The following FBXO6 variants were observed in gnomAD, a reference collection of about 807,000 sequenced individuals.
FBXO6 encodes the protein F-box only protein 6.
In FBXO6, 13 loss-of-function variants were observed where a neutral mutation model predicts 25.0. The ratio of observed to expected loss-of-function variants is 0.52; its 90% CI spans 0.34 to 0.83. The LOEUF is 0.83. Ranked by LOEUF, FBXO6 falls within the 40% of genes least tolerant of loss-of-function variation. The probability of loss-of-function intolerance (pLI) is 0.02; values close to 1 mark genes in which losing one functional copy is unlikely to be tolerated. For missense variants in FBXO6, 370 were observed against 380.2 expected (o/e 0.97, Z 0.22); for synonymous variants, 138 against 155.3 (o/e 0.89, Z 0.83).
intron 1 of FBXO6, among the ~76,000 whole-genome samples, chr1:11,665,072 T>G (rs1182227980): frequency 6.6e-6 from 1 of 151,898 alleles, no homozygotes; most frequent in Non-Finnish European, 1.5e-5. Context: ...TATGGCAGAG[T>G]CTTGCTCTGT....
intron 2 of FBXO6, among the ~76,000 whole-genome samples, chr1:11,670,970 T>TA (rs1171129926): frequency 6.6e-6 from 1 of 152,056 alleles, no homozygotes; most frequent in Non-Finnish European, 1.5e-5. Context: ...TCAGAGCTGA[T>TA]ATGGTGAGGA....
intron 1 of FBXO6, among the ~76,000 whole-genome samples, chr1:11,667,151 G>T (rs9430590): frequency 0.039 from 5,826 of 151,104 alleles, 361 homozygotes; most frequent in African/African-American, 0.13. Flanking sequence ...GTCTCGGGGT[G>T]GGGGGGAAGA....
chr1:11,669,587 C>CAT (rs1337918667), intron 2 of FBXO6, among the ~76,000 whole-genome samples: 7 of 146,372 alleles, frequency 4.8e-5, no homozygotes, highest in Non-Finnish European at 1.5e-5. Context: ...GACACCTTCA[C>CAT]ATATACACAC....
At position 11,673,653 on chromosome 1, in the gene FBXO6, C is replaced by T. The variant is rs141938743; in HGVS notation, c.684C>T (p.Arg228=). The change falls in exon 6 of 6, where the codon CGC becomes CGT. Residue 228 remains arginine, a synonymous_variant. Transcript: ENST00000376753. The surrounding 1 kb of genome is among the most constrained non-coding windows in gnomAD (Gnocchi z 4.3). The part of the protein sequence containing the change: ...YTFSDYPRGV[R]YILFQHGGRD... ...TCTCAGACTACCCCCGGGGTGTCCG[C>T]TACATCCTCTTCCAGCATGGGGGCA... 2 of 1,613,990 alleles carry T rather than the reference C, an allele frequency of 1.2e-6. No homozygotes were observed. The highest frequency in any genetic ancestry group is 1.3e-5 in the African/African-American group (1 of 74,912).
chr1:11,668,384 G>A (rs1640503161), intron 1 of FBXO6, among the ~76,000 whole-genome samples: 1 of 147,808 alleles, frequency 6.8e-6, no homozygotes, highest in African/African-American at 2.6e-5. Context: ...CTCAGCCTCA[G>A]AAATGCTCTT....
rs1478792123 is a variant in FBXO6, at chr1:11,668,647, C to A, written c.-3-9C>A. 6.2e-7 allele frequency: 1 copy of A among 1,605,340 alleles called. No homozygotes were observed. Among genetic ancestry groups the A allele is most frequent in the East Asian group, 2.2e-5 (1 of 44,638 alleles). On this transcript the variant is annotated splice_polypyrimidine_tract_variant and intron_variant, in intron 1 of 5. Coordinates refer to ENST00000376753, the MANE Select transcript of FBXO6 (RefSeq NM_018438.6). Reference sequence around the variant, plus strand: ...CTGGTCAGGCTCATAACTGCTGTTGCCCCCACAGGCCATGGATGCTCCCCA... The same window carrying A: ...CTGGTCAGGCTCATAACTGCTGTTGACCCCACAGGCCATGGATGCTCCCCA...
intron 1 of FBXO6, among the ~76,000 whole-genome samples, chr1:11,667,274 G>A (rs549598262): frequency 1.3e-5 from 2 of 152,180 alleles, no homozygotes; most frequent in Non-Finnish European, 2.9e-5. Flanking sequence ...AGCCCTGGCT[G>A]CCGGCCAACC....
Position 11,673,181 on chromosome 1 carries a change from T to C in FBXO6, c.510-96T>C. ...CAGAGCAGTGTCAGCTGATGGGAGA[T>C]GAAGCTCCGAGCTCCAATGTATAGG... On this transcript the variant is annotated intron_variant, in intron 4 of 5. Coordinates refer to ENST00000376753, the MANE Select transcript of FBXO6 (RefSeq NM_018438.6). The surrounding 1 kb of genome is among the most constrained non-coding windows in gnomAD (Gnocchi z 4.3). 6.9e-7 allele frequency: 1 copy of C among 1,439,056 alleles called. No homozygotes were observed. The highest frequency in any genetic ancestry group is 9.3e-7 in the Non-Finnish European group (1 of 1,079,410). The allele number at this position is 1,439,056 out of a possible 1,614,324, so 89.1% of individuals were successfully genotyped here. A position where few individuals can be genotyped will look rare whatever the true frequency, so the allele number is the denominator to read the frequency against.
chr1:11,671,875 G>C, intron 3 of FBXO6, 53 bp from the exon 4 acceptor site: 1 of 1,504,800 alleles, frequency 6.6e-7, no homozygotes, highest in Admixed American at 1.7e-5. Context: ...GGGTGAGGGG[G>C]GGGGCCATGC....
At chr1:11,666,068 T>C (rs1640428571) in intron 1 of FBXO6, among the ~76,000 whole-genome samples, 1 of 146,972 alleles carries the variant, frequency 6.8e-6, no homozygotes, top group South Asian at 2.1e-4. Flanking sequence ...TGAGACAGTT[T>C]TGCTCTGTTG....
intron 1 of FBXO6, among the ~76,000 whole-genome samples, chr1:11,666,884 A>G (rs1271339192): frequency 6.6e-6 from 1 of 152,160 alleles, no homozygotes; most frequent in African/African-American, 2.4e-5. Flanking sequence ...ACAGTGGCTC[A>G]CACCTGTAAT....
chr1:11,673,701 C>T lies in FBXO6; in HGVS notation c.732C>T (p.Gly244=), dbSNP rs756725737. The T allele has an allele frequency of 1.9e-5, 30 of 1,614,030 alleles. No individual in the cohort carries two copies. The East Asian group carries it at 4.0e-4, about 22-fold the overall frequency. Residue 244 remains glycine (G), a synonymous_variant, in exon 6 of 6, where the codon GGC becomes GGT. Transcript: ENST00000376753. This position sits in a 1 kb window ranked among gnomAD's most constrained non-coding sequence, Gnocchi z 4.3. ...GCAGGGACACCCAGTACTGGGCAGG[C>T]TGGTATGGGCCCCGAGTCACCAACA... ...HGGRDTQYWA[G]WYGPRVTNSS... is the part of the protein sequence containing the mutation.
chr1:11,668,580 A>C, intron 1 of FBXO6, 76 bp from the exon 2 acceptor site: 35 of 1,543,552 alleles, frequency 2.3e-5, no homozygotes, highest in Non-Finnish European at 3.0e-5. Context: ...GTTGGAGAGG[A>C]GTCCCTGGCC....
chr1:11,672,082 AT>A (rs1640634525), intron 4 of FBXO6, 59 bp downstream of exon 4: 1 of 1,464,742 alleles, frequency 6.8e-7, no homozygotes, highest in African/African-American at 1.4e-5. Context: ...ACTGCGCTGC[AT>A]GTACGTGAGA....
intron 1 of FBXO6, chr1:11,664,756 G>C (rs1025185526): frequency 1.3e-5 from 2 of 152,286 alleles, no homozygotes; most frequent in African/African-American, 4.8e-5. Flanking sequence ...AATGCCACTA[G>C]AGCTTGCTGG....
chr1:11,669,934 C>A (rs1265962588), intron 2 of FBXO6, among the ~76,000 whole-genome samples: 1 of 135,822 alleles, frequency 7.4e-6, no homozygotes, highest in Non-Finnish European at 1.6e-5. Context: ...ACCACACCGC[C>A]GGGGGCGGTG....
rs1229991539 is a variant in FBXO6, at chr1:11,673,912, G to A, written c.*61G>A. 2.7e-6 allele frequency: 4 copies of A among 1,509,286 alleles called. No individual in the cohort carries two copies. The South Asian group carries it at 3.4e-5, about 13-fold the overall frequency. The allele number at this position is 1,509,286 out of a possible 1,614,324, so 93.5% of individuals were successfully genotyped here. A position where few individuals can be genotyped will look rare whatever the true frequency, so the allele number is the denominator to read the frequency against. Reference sequence around the variant, plus strand: ...TCCTCCAGGCAGGAGCTGAGCATGGGGTGGGCAGTGAGGTCCCTGTACCAG... The same window carrying A: ...TCCTCCAGGCAGGAGCTGAGCATGGAGTGGGCAGTGAGGTCCCTGTACCAG... On this transcript the variant is annotated 3_prime_UTR_variant, in exon 6 of 6. Coordinates refer to ENST00000376753, the MANE Select transcript of FBXO6 (RefSeq NM_018438.6). The surrounding 1 kb of genome is among the most constrained non-coding windows in gnomAD (Gnocchi z 4.3).
At position 11,671,802 on chromosome 1, in the gene FBXO6, C is replaced by T. The variant is rs531024875; in HGVS notation, c.414-126C>T. 81 of 812,132 alleles carry T rather than the reference C, an allele frequency of 1.0e-4. No homozygotes were observed. In the East Asian group the frequency reaches 1.9e-3, roughly 19 times the overall value. 50.3% of individuals were successfully genotyped at this position (812,132 alleles called of 1,614,324 possible). ...GCCCCAGCCAGTGCCTGTCCCGCAG[C>T]GGCCAAGGGGTACCCTAGGTCCCCA... On this transcript the variant is annotated intron_variant, in intron 3 of 5. Coordinates refer to ENST00000376753, the MANE Select transcript of FBXO6 (RefSeq NM_018438.6).
At chr1:11,666,155 C>T (rs1269809008) in intron 1 of FBXO6, among the ~76,000 whole-genome samples, 2 of 149,548 alleles carry the variant, frequency 1.3e-5, no homozygotes, top group Non-Finnish European at 3.0e-5. Context: ...AGTGTGACCT[C>T]GGCAGGCCTC....
Sources: gnomAD v4.1 joint callset for allele counts (sites outside exome capture counted in the v4.1 genomes callset) on GRCh38, gnomAD v4.1.1 for gene constraint, Gnocchi (gnomAD v3.1) non-coding constraint, MANE v1.5 for transcripts, NCBI Gene and HGNC (gene_info 2026-07-23, HGNC 2026-07-21) for gene names.